NIBAN1: variants seen among roughly 807,000 people sequenced by gnomAD.
NIBAN1 encodes niban apoptosis regulator 1.
In NIBAN1, 81 loss-of-function variants were observed where a neutral mutation model predicts 75.1. The observed-to-expected ratio is 1.08, with a 90% CI of 0.90 to 1.30. NIBAN1 has a LOEUF of 1.30. Among genes scored for constraint, NIBAN1 ranks in the 50% most tolerant of loss-of-function variants. NIBAN1 has a pLI of 0.00. For synonymous variants in NIBAN1, 436 were observed against 424.8 expected (o/e 1.03, Z -0.32); for missense variants, 1,133 against 1,128.1 (o/e 1.00, Z -0.06).
intron 9 of NIBAN1, among the ~76,000 whole-genome samples, chr1:184,813,043 T>C (rs957768843): frequency 1.3e-5 from 2 of 152,218 alleles, no homozygotes; most frequent in South Asian, 4.1e-4. Context: ...AAAAGTCCAC[T>C]TAATTAAAAG....
chr1:184,821,030 C>T (rs992862815), intron 8 of NIBAN1, among the ~76,000 whole-genome samples: 2 of 152,166 alleles, frequency 1.3e-5, no homozygotes, highest in Non-Finnish European at 2.9e-5. Flanking sequence ...GATCTATGCT[C>T]ACATTGGGAA....
chr1:184,929,222 C>T (rs1657761817), intron 1 of NIBAN1, among the ~76,000 whole-genome samples: 2 of 152,098 alleles, frequency 1.3e-5, no homozygotes, highest in South Asian at 4.1e-4. Flanking sequence ...TTTTTCTTGT[C>T]AGTGTTATTA....
intron 1 of NIBAN1, among the ~76,000 whole-genome samples, chr1:184,903,496 G>A (rs917952446): frequency 4.6e-5 from 7 of 152,128 alleles, no homozygotes; most frequent in South Asian, 4.1e-4. Context: ...TAATGGCTTA[G>A]TGCCATCCCC....
intron 5 of NIBAN1, among the ~76,000 whole-genome samples, chr1:184,877,004 A>G (rs1292051203): frequency 6.6e-6 from 1 of 152,208 alleles, no homozygotes; most frequent in Non-Finnish European, 1.5e-5. Flanking sequence ...ATATTAGTAA[A>G]CCCAATCAAA....
intron 2 of NIBAN1, among the ~76,000 whole-genome samples, chr1:184,895,399 A>G (rs529864383): frequency 2.0e-5 from 3 of 152,254 alleles, no homozygotes; most frequent in South Asian, 4.1e-4. Flanking sequence ...GTGGGCCATA[A>G]TGTGCATTTT....
chr1:184,888,922 T>C (rs1311257236), intron 4 of NIBAN1, among the ~76,000 whole-genome samples: 1 of 152,250 alleles, frequency 6.6e-6, no homozygotes, highest in Non-Finnish European at 1.5e-5. Context: ...TTAATCTTAG[T>C]TTATGGTCCA....
intron 1 of NIBAN1, among the ~76,000 whole-genome samples, chr1:184,900,322 C>T (rs669649): frequency 0.029 from 4,448 of 152,204 alleles, 217 homozygotes; most frequent in African/African-American, 0.1. Flanking sequence ...GCTCTGGTCT[C>T]GATTCTGTGA....
At position 184,911,062 on chromosome 1, in the gene NIBAN1, TAC is replaced by T. The variant is rs35550596; in HGVS notation, c.56-11755_56-11754del. On this transcript the variant is annotated intron_variant, in intron 1 of 13. Coordinates refer to ENST00000367511, the MANE Select transcript of NIBAN1 (RefSeq NM_052966.4). ...GTGTGGGCCAATTCTTTATAACAAATACACACACACACACACACACACACACA... is the reference window on the plus strand; with the variant it reads ...GTGTGGGCCAATTCTTTATAACAAATACACACACACACACACACACACACA... 4.4e-3 allele frequency among the ~76,000 whole-genome samples: 641 copies of T among 144,156 alleles called. 5 individuals are homozygous for T. Among genetic ancestry groups the T allele is most frequent in the African/African-American group, 9.7e-3 (382 of 39,486 alleles). 94.6% of individuals were successfully genotyped at this position (144,156 alleles called of 152,430 possible).
chr1:184,821,259 A>G (rs1341147644), intron 8 of NIBAN1, among the ~76,000 whole-genome samples: 1 of 152,192 alleles, frequency 6.6e-6, no homozygotes, highest in Non-Finnish European at 1.5e-5. Flanking sequence ...CAAGAGTCAT[A>G]TGGGAGGAAA....
chr1:184,930,357 A>G (rs1017221981), intron 1 of NIBAN1, among the ~76,000 whole-genome samples: 2 of 152,202 alleles, frequency 1.3e-5, no homozygotes, highest in African/African-American at 4.8e-5. Flanking sequence ...CAACATAGAG[A>G]GATGTATCTA....
chr1:184,834,543 G>A (rs1306296149), intron 5 of NIBAN1, among the ~76,000 whole-genome samples: 5 of 152,180 alleles, frequency 3.3e-5, no homozygotes, highest in Middle Eastern at 6.8e-3. Flanking sequence ...TTTAGTGATC[G>A]CCATTCTAAC....
chr1:184,832,865 C>T (rs987793401), intron 5 of NIBAN1, among the ~76,000 whole-genome samples: 11 of 152,114 alleles, frequency 7.2e-5, no homozygotes, highest in African/African-American at 2.7e-4. Flanking sequence ...GCAGTGTCTT[C>T]ATTTCCAGCA....
At chr1:184,816,795 T>C (rs183316635) in intron 9 of NIBAN1, among the ~76,000 whole-genome samples, 61 of 151,886 alleles carry the variant, frequency 4.0e-4, no homozygotes, top group African/African-American at 1.4e-3. Flanking sequence ...ACAATAGTGC[T>C]AGTAACATCA....
intron 1 of NIBAN1, among the ~76,000 whole-genome samples, chr1:184,922,263 CTTAG>C (rs1479174894): frequency 6.7e-6 from 1 of 148,470 alleles, no homozygotes; most frequent in Non-Finnish European, 1.5e-5. Flanking sequence ...TCCATTTATA[CTTAG>C]TTATTTTTAA....
At chr1:184,855,740 G>A (rs1318801752) in intron 5 of NIBAN1, among the ~76,000 whole-genome samples, 1 of 152,134 alleles carries the variant, frequency 6.6e-6, no homozygotes, top group Non-Finnish European at 1.5e-5. Flanking sequence ...AGTGTCACAA[G>A]AACAGGCATC....
At chr1:184,961,238 T>G (rs1264517855) in intron 1 of NIBAN1, among the ~76,000 whole-genome samples, 1 of 151,502 alleles carries the variant, frequency 6.6e-6, no homozygotes, top group Non-Finnish European at 1.5e-5. Context: ...CTGGCTAATT[T>G]TTTTGTATTT....
intron 8 of NIBAN1, among the ~76,000 whole-genome samples, chr1:184,822,216 G>A (rs927146617): frequency 6.6e-6 from 1 of 152,200 alleles, no homozygotes; most frequent in African/African-American, 2.4e-5. Context: ...AGTGACACTA[G>A]GTCACTAGGT....
At chr1:184,904,837 G>A (rs1657048721) in intron 1 of NIBAN1, among the ~76,000 whole-genome samples, 1 of 152,078 alleles carries the variant, frequency 6.6e-6, no homozygotes, top group African/African-American at 2.4e-5. Flanking sequence ...TGTAATCCCA[G>A]CTACTTGGGA....
intron 1 of NIBAN1, among the ~76,000 whole-genome samples, chr1:184,922,414 G>A (rs1171343563): frequency 6.6e-6 from 1 of 151,690 alleles, no homozygotes; most frequent in African/African-American, 2.4e-5. Context: ...TCCAGCCTCT[G>A]GTAACTACTG....
Sources: allele counts gnomAD v4.1 joint callset (sites outside exome capture counted in the v4.1 genomes callset), GRCh38; gene constraint gnomAD v4.1.1; transcripts MANE v1.5; gene names NCBI Gene and HGNC (gene_info 2026-07-23, HGNC 2026-07-21).